The following PPP2R3C variants were observed in gnomAD, a reference collection of about 807,000 sequenced individuals.
PPP2R3C encodes serine/threonine-protein phosphatase 2A regulatory subunit B'' subunit gamma.
Under a neutral mutation model 63.7 loss-of-function variants are expected in PPP2R3C, and 47 were observed. That is an observed-to-expected ratio of 0.74 (90% CI 0.58 to 0.94). The LOEUF (loss-of-function observed/expected upper bound fraction) is 0.94, where lower values mean the gene tolerates loss of function less well. PPP2R3C is among the 40% of genes least tolerant of loss of function. The probability of loss-of-function intolerance (pLI) is 0.00; values close to 1 mark genes in which losing one functional copy is unlikely to be tolerated. For missense variants in PPP2R3C, 421 were observed against 518.4 expected, an observed-to-expected ratio of 0.81 and a Z score of 1.82; for synonymous variants, 180 against 177.4, an observed-to-expected ratio of 1.01 and a Z score of -0.12.
At chr14:35,099,482 G>C in intron 6 of PPP2R3C, 98 bp from the exon 7 acceptor site, 1 of 1,323,402 alleles carries the variant, frequency 7.6e-7, no homozygotes. Context: ...ATACTATATT[G>C]ATAAAGAAAT....
At chr14:35,091,341 A>G in intron 10 of PPP2R3C, 134 bp from the exon 11 acceptor site, 1 of 782,240 alleles carries the variant, frequency 1.3e-6, no homozygotes, top group Non-Finnish European at 1.9e-6. Context: ...GATATGAGAA[A>G]TCCATTTATA....
intron 7 of PPP2R3C, chr14:35,098,858 C>A: frequency 6.4e-6 from 1 of 157,426 alleles, no homozygotes; most frequent in Non-Finnish European, 1.4e-5. Flanking sequence ...CTCATATTTC[C>A]AAATACATAT....
At chr14:35,118,696 C>T (rs1016320556) in intron 1 of PPP2R3C, among the ~76,000 whole-genome samples, 1 of 146,774 alleles carries the variant, frequency 6.8e-6, no homozygotes, top group African/African-American at 2.5e-5. Flanking sequence ...CACTGTCACC[C>T]AGGCTGGAGG....
chr14:35,118,410 C>G (rs376680249), intron 1 of PPP2R3C, among the ~76,000 whole-genome samples: 1 of 152,140 alleles, frequency 6.6e-6, no homozygotes, highest in East Asian at 1.9e-4. Context: ...ATCTAGTACA[C>G]TGATGAAGGA....
chr14:35,091,065 C>A lies in PPP2R3C; in HGVS notation c.1113+5G>T. ...CAATGACTCACTTATGCAAATGAGA[C>A]TTACCCTAAAGAAATAATTAAGTGA... On this transcript the variant is annotated splice_donor_5th_base_variant and intron_variant, in intron 11 of 12. Transcript: ENST00000261475. 1 of 1,599,392 alleles carries A rather than the reference C, an allele frequency of 6.3e-7. No individual in the cohort carries two copies.
At position 35,119,849 on chromosome 14, in the gene PPP2R3C, C is replaced by CTTTTTTT. The variant is rs71121267; in HGVS notation, c.58+2046_58+2052dup. 6.3e-4 allele frequency among the ~76,000 whole-genome samples: 74 copies of CTTTTTTT among 116,990 alleles called. 4 individuals carry two copies. Among genetic ancestry groups the CTTTTTTT allele is most frequent in the African/African-American group, 1.0e-3 (31 of 29,604 alleles). 76.7% of individuals were successfully genotyped at this position (116,990 alleles called of 152,430 possible). A position where few individuals can be genotyped will look rare whatever the true frequency, so the allele number is the denominator to read the frequency against. ...TTAAATAGGAGCATGGACAGTTCAT[C>CTTTTTTT]TTTTTTTTTTTTTTTTTTTGAGACG... is the stretch of plus-strand genomic sequence containing the variant. On this transcript the variant is annotated intron_variant, in intron 1 of 12. Transcript: ENST00000261475.
intron 7 of PPP2R3C, among the ~76,000 whole-genome samples, chr14:35,097,084 G>A (rs1258904011): frequency 6.6e-6 from 1 of 151,980 alleles, no homozygotes; most frequent in African/African-American, 2.4e-5. Context: ...GTGTGGTGGA[G>A]GGCGCCTGTA....
chr14:35,111,235 CAAAAAAAA>C (rs3058398), intron 2 of PPP2R3C, among the ~76,000 whole-genome samples: 1 of 89,794 alleles, frequency 1.1e-5, no homozygotes, highest in Admixed American at 1.4e-4. Context: ...CTCCATCTAC[CAAAAAAAA>C]AAAAAAAAAA....
chr14:35,108,319 A>C, intron 4 of PPP2R3C, 83 bp from the exon 5 acceptor site: 4 of 1,433,636 alleles, frequency 2.8e-6, no homozygotes, highest in Non-Finnish European at 2.8e-6. Context: ...CAATGGCATA[A>C]ATTCATACAA....
At chr14:35,096,789 T>G (rs779705753) in intron 7 of PPP2R3C, 25 bp from the exon 8 acceptor site, 1 of 1,537,116 alleles carries the variant, frequency 6.5e-7, no homozygotes, top group Non-Finnish European at 8.7e-7. Flanking sequence ...AGAAACACAA[T>G]TAATTTCATT....
rs1309971491 is a variant in PPP2R3C, at chr14:35,085,770, G to A, written c.1182C>T (p.Ile394=). ...PVSFQDVKDE[I]FDMVKPKDPL... is the part of the protein sequence containing the mutation. Reference sequence around the variant, plus strand: ...GATCCTTTGGTTTTACCATGTCAAAGATTTCATCCTGCAAGAGAAAAAAAA... The same window carrying A: ...GATCCTTTGGTTTTACCATGTCAAAAATTTCATCCTGCAAGAGAAAAAAAA... Residue 394 remains isoleucine, a synonymous_variant, in exon 13 of 13, where the codon ATC becomes ATT. Coordinates refer to ENST00000261475, the MANE Select transcript of PPP2R3C (RefSeq NM_017917.4). The A allele has an allele frequency of 1.3e-6, 2 of 1,598,366 alleles. No individual in the cohort carries two copies. The highest frequency in any genetic ancestry group is 1.7e-6 in the Non-Finnish European group (2 of 1,172,144).
intron 11 of PPP2R3C, among the ~76,000 whole-genome samples, chr14:35,089,237 G>A (rs1595073237): frequency 1.3e-5 from 2 of 152,126 alleles, no homozygotes; most frequent in South Asian, 2.1e-4. Context: ...CAAGTAGCTG[G>A]GACTGCAGGC....
intron 2 of PPP2R3C, 90 bp from the exon 3 acceptor site, chr14:35,110,719 C>T: frequency 1.3e-6 from 1 of 783,638 alleles, no homozygotes; most frequent in Non-Finnish European, 2.1e-6. Context: ...CTGTATGCCA[C>T]CGCCTCGAAT....
chr14:35,095,686 C>A (rs1357940235), intron 9 of PPP2R3C, among the ~76,000 whole-genome samples: 350 of 133,032 alleles, frequency 2.6e-3, no homozygotes, highest in African/African-American at 7.1e-3. Flanking sequence ...AAAAAAAAAA[C>A]AAAAAAAAAA....
At chr14:35,115,692 G>A (rs995965008) in intron 2 of PPP2R3C, among the ~76,000 whole-genome samples, 7 of 152,054 alleles carry the variant, frequency 4.6e-5, no homozygotes, top group Non-Finnish European at 8.8e-5. Flanking sequence ...CGCGATCTGG[G>A]CTCACTACAA....
At chr14:35,104,063 G>C (rs1309993379) in intron 6 of PPP2R3C, among the ~76,000 whole-genome samples, 2 of 152,158 alleles carry the variant, frequency 1.3e-5, no homozygotes, top group Non-Finnish European at 2.9e-5. Flanking sequence ...CATGGAAAGA[G>C]GCAAGACAAG....
chr14:35,107,719 G>A (rs1486996518), intron 5 of PPP2R3C: 1 of 349,600 alleles, frequency 2.9e-6, no homozygotes. Flanking sequence ...GTATACAATA[G>A]GCTTTCACAG....
intron 6 of PPP2R3C, among the ~76,000 whole-genome samples, chr14:35,106,989 T>G (rs2046384853): frequency 6.6e-6 from 1 of 152,164 alleles, no homozygotes; most frequent in Non-Finnish European, 1.5e-5. Context: ...TAATGATGAC[T>G]TGAAGGCTGC....
At chr14:35,092,309 A>G (rs1005612229) in intron 10 of PPP2R3C, among the ~76,000 whole-genome samples, 1 of 151,992 alleles carries the variant, frequency 6.6e-6, no homozygotes, top group East Asian at 1.9e-4. Context: ...GGCTCAAGCA[A>G]TCATCTGGCC....
Sources: gnomAD v4.1 joint callset for allele counts (sites outside exome capture counted in the v4.1 genomes callset) on GRCh38, gnomAD v4.1.1 for gene constraint, MANE v1.5 for transcripts, NCBI Gene and HGNC (gene_info 2026-07-23, HGNC 2026-07-21) for gene names.